The following CATSPERE variants were observed in gnomAD, a reference collection of about 807,000 sequenced individuals.
CATSPERE encodes cation channel sperm-associated auxiliary subunit epsilon.
Under a neutral mutation model 114.1 loss-of-function variants are expected in CATSPERE, and 93 were observed. The observed-to-expected ratio is 0.81, with a 90% CI of 0.69 to 0.97. CATSPERE has a LOEUF of 0.97. Ranked by LOEUF, CATSPERE falls within the 50% of genes least tolerant of loss-of-function variation. The pLI is 0.00. For missense variants in CATSPERE, 1,058 were observed against 1,131.6 expected (o/e 0.93, Z 0.93); for synonymous variants, 341 against 384.1 (o/e 0.89, Z 1.31).
At chr1:244,474,833 T>G (rs1292271291) in intron 2 of CATSPERE, among the ~76,000 whole-genome samples, 1 of 150,466 alleles carries the variant, frequency 6.6e-6, no homozygotes, top group Non-Finnish European at 1.5e-5. Context: ...AGCCTTTAAC[T>G]CCTGGACTCA....
At chr1:244,623,944 G>A (rs1042330397) in intron 20 of CATSPERE, among the ~76,000 whole-genome samples, 1 of 152,030 alleles carries the variant, frequency 6.6e-6, no homozygotes, top group Non-Finnish European at 1.5e-5. Flanking sequence ...GGTGGTTGCT[G>A]ATGGCTGGGG....
chr1:244,512,127 C>G (rs3006035), intron 7 of CATSPERE, among the ~76,000 whole-genome samples: 24,277 of 152,048 alleles, frequency 0.16, 2,140 homozygotes, highest in African/African-American at 0.22. Context: ...TGTAAAATAG[C>G]TTTTCTATGT....
At chr1:244,543,869 G>A (rs1659293405) in intron 8 of CATSPERE, among the ~76,000 whole-genome samples, 1 of 151,944 alleles carries the variant, frequency 6.6e-6, no homozygotes, top group African/African-American at 2.4e-5. Context: ...ATGGAAGCAA[G>A]AGGTGTCATA....
chr1:244,502,210 GT>G (rs1313118069), intron 7 of CATSPERE, among the ~76,000 whole-genome samples: 2 of 152,086 alleles, frequency 1.3e-5, no homozygotes, highest in Admixed American at 1.3e-4. Context: ...TTTACAATGT[GT>G]TTTTCTGATA....
At chr1:244,480,072 C>T (rs1386988145) in intron 5 of CATSPERE, among the ~76,000 whole-genome samples, 1 of 152,096 alleles carries the variant, frequency 6.6e-6, no homozygotes, top group Non-Finnish European at 1.5e-5. Flanking sequence ...GTTGTGGAAA[C>T]ATAAGCATGG....
At chr1:244,594,072 G>A (rs1420138002) in intron 17 of CATSPERE, among the ~76,000 whole-genome samples, 9 of 152,206 alleles carry the variant, frequency 5.9e-5, no homozygotes, top group Non-Finnish European at 1.3e-4. Context: ...TGTAATCCCA[G>A]TGCTTTGGGA....
chr1:244,599,631 C>T (rs554308152), intron 17 of CATSPERE, among the ~76,000 whole-genome samples: 9 of 152,330 alleles, frequency 5.9e-5, no homozygotes, highest in South Asian at 4.1e-4. Flanking sequence ...CTCCAAAGCT[C>T]GAAATCCTTA....
At chr1:244,511,491 T>C (rs549707096) in intron 7 of CATSPERE, among the ~76,000 whole-genome samples, 2 of 152,328 alleles carry the variant, frequency 1.3e-5, no homozygotes, top group Admixed American at 1.3e-4. Context: ...AGGTGAGGAC[T>C]ATTCCTGTCA....
intron 7 of CATSPERE, among the ~76,000 whole-genome samples, chr1:244,510,219 C>T (rs1003654306): frequency 2.4e-4 from 37 of 152,114 alleles, no homozygotes; most frequent in African/African-American, 8.9e-4. Flanking sequence ...CTATAAACTT[C>T]TCTCTTAGCA....
intron 18 of CATSPERE, among the ~76,000 whole-genome samples, chr1:244,609,400 G>A (rs913159364): frequency 2.0e-5 from 3 of 151,324 alleles, no homozygotes; most frequent in Admixed American, 1.3e-4. Context: ...GCCCGGTCTG[G>A]AGTGCAGTGG....
At chr1:244,461,953 A>G (rs1035013622) in intron 1 of CATSPERE, among the ~76,000 whole-genome samples, 4 of 152,058 alleles carry the variant, frequency 2.6e-5, no homozygotes, top group Admixed American at 1.3e-4. Context: ...AGCTGTGACA[A>G]CAGGCACGCG....
chr1:244,529,249 C>T (rs914286804), intron 8 of CATSPERE, among the ~76,000 whole-genome samples: 3 of 152,112 alleles, frequency 2.0e-5, no homozygotes, highest in African/African-American at 7.2e-5. Flanking sequence ...TGAGGAACTT[C>T]CAAAATGTTC....
At chr1:244,629,484 T>C (rs1486852697) in intron 20 of CATSPERE, among the ~76,000 whole-genome samples, 1 of 147,786 alleles carries the variant, frequency 6.8e-6, no homozygotes, top group African/African-American at 2.5e-5. Flanking sequence ...CCACAACTCA[T>C]GGGACTTGTC....
chr1:244,477,870 C>T (rs776375193), intron 3 of CATSPERE, 36 bp from the exon 4 acceptor site: 2 of 1,488,116 alleles, frequency 1.3e-6, no homozygotes, highest in East Asian at 4.5e-5. Context: ...ATCATATGCA[C>T]CTATAATTAT....
rs1016508618 is a variant in CATSPERE at position 244,640,179 on chromosome 1, A to G, written c.*98A>G. 3.4e-5 allele frequency: 32 copies of G among 952,134 alleles called. No homozygotes were observed. The highest frequency in any genetic ancestry group is 4.0e-5 in the Non-Finnish European group (27 of 680,200). The allele number at this position is 952,134 out of a possible 1,614,324, so 59.0% of individuals were successfully genotyped here. A position where few individuals can be genotyped will look rare whatever the true frequency, so the allele number is the denominator to read the frequency against. On this transcript the variant is annotated 3_prime_UTR_variant, in exon 22 of 22. Coordinates refer to ENST00000366534, the MANE Select transcript of CATSPERE (RefSeq NM_001130957.2). ...TGTGTGTTTGACCAAGAAATACTAA[A>G]TATAAGCTCGTAGTAGGCATCACCA...
intron 5 of CATSPERE, among the ~76,000 whole-genome samples, chr1:244,486,476 G>A (rs1671048439): frequency 1.3e-5 from 2 of 149,388 alleles, no homozygotes; most frequent in Non-Finnish European, 3.0e-5. Flanking sequence ...CCTGGTGGGT[G>A]GTCCAGCATG....
intron 21 of CATSPERE, among the ~76,000 whole-genome samples, chr1:244,636,159 G>A (rs1056647890): frequency 6.6e-6 from 1 of 152,106 alleles, no homozygotes; most frequent in Admixed American, 6.5e-5. Flanking sequence ...AACAGTAAAG[G>A]GATTTCCCTG....
chr1:244,539,666 A>G (rs1482897398), intron 8 of CATSPERE, among the ~76,000 whole-genome samples: 1 of 148,552 alleles, frequency 6.7e-6, no homozygotes, highest in Non-Finnish European at 1.5e-5. Context: ...TTATTGGTCT[A>G]TTCAGAGATT....
At chr1:244,588,438 G>T in intron 13 of CATSPERE, 44 bp from the exon 14 acceptor site, 1 of 1,416,340 alleles carries the variant, frequency 7.1e-7, no homozygotes, top group South Asian at 1.2e-5. Flanking sequence ...TAGATCATAT[G>T]AATCAGAACT....
Sources: allele counts gnomAD v4.1 joint callset (sites outside exome capture counted in the v4.1 genomes callset), GRCh38; gene constraint gnomAD v4.1.1; transcripts MANE v1.5; gene names NCBI Gene and HGNC (gene_info 2026-07-23, HGNC 2026-07-21).